Variants in RRM2B observed in about 807,000 individuals in gnomAD.
The protein encoded by RRM2B is ribonucleotide reductase regulatory TP53 inducible subunit M2B.
In RRM2B, 20 loss-of-function variants were observed where a neutral mutation model predicts 45.9. The observed-to-expected ratio is 0.44, with a 90% CI of 0.31 to 0.63. The LOEUF is 0.63. Among genes scored for constraint, RRM2B ranks in the 30% least tolerant of loss-of-function variants. The pLI is 0.09. For synonymous variants in RRM2B, 124 were observed against 132.3 expected (o/e 0.94, Z 0.43); for missense variants, 320 against 414.7 (o/e 0.77, Z 1.98).
intron 6 of RRM2B, 83 bp downstream of exon 6, chr8:102,218,731 A>G: frequency 7.9e-7 from 1 of 1,266,464 alleles, no homozygotes; most frequent in Non-Finnish European, 1.1e-6. Context: ...GTCTCAAAAA[A>G]AAAAAAAAAA....
Position 102,205,280 on chromosome 8 carries a change from T to A in RRM2B, c.*2853A>T, listed in dbSNP as rs1810524673. The A allele has an allele frequency of 2.0e-5, 3 of 152,324 alleles. No homozygotes were observed. In the South Asian group the frequency reaches 6.2e-4, roughly 32 times the overall value. The allele number at this position is 152,324 out of a possible 1,614,324, so 9.4% of individuals were successfully genotyped here. On this transcript the variant is annotated 3_prime_UTR_variant, in exon 9 of 9. Transcript: ENST00000251810. ...GATGTTAGCATATTTAAATGTAAAA[T>A]GCAAAATGATTAATTTTTAAATATG...
At chr8:102,215,045 T>TAAAAAAAAAA (rs3063793) in intron 6 of RRM2B, among the ~76,000 whole-genome samples, 2 of 61,780 alleles carry the variant, frequency 3.2e-5, no homozygotes, top group African/African-American at 6.8e-5. Context: ...AGCTAAATAT[T>TAAAAAAAAAA]AAAAAAAAAA....
At chr8:102,221,115 A>T (rs1420927619) in intron 5 of RRM2B, among the ~76,000 whole-genome samples, 1 of 152,216 alleles carries the variant, frequency 6.6e-6, no homozygotes, top group African/African-American at 2.4e-5. Flanking sequence ...AAGATATTTT[A>T]AAAATTAAAC....
chr8:102,228,198 T>C (rs911052722), intron 2 of RRM2B, among the ~76,000 whole-genome samples: 3 of 152,118 alleles, frequency 2.0e-5, no homozygotes, highest in South Asian at 2.1e-4. Context: ...GAGACTACGG[T>C]TGGATGTCGG....
chr8:102,223,312 T>A (rs992142632), intron 5 of RRM2B, among the ~76,000 whole-genome samples: 6 of 152,198 alleles, frequency 3.9e-5, no homozygotes, highest in African/African-American at 1.4e-4. Flanking sequence ...ACAAATTGGT[T>A]TTGTCCTAGT....
chr8:102,208,448 A>G (rs1228922512), intron 8 of RRM2B, among the ~76,000 whole-genome samples, 163 bp from the exon 9 acceptor site: 2 of 152,146 alleles, frequency 1.3e-5, no homozygotes, highest in Non-Finnish European at 2.9e-5. Flanking sequence ...AAGGCTGACA[A>G]ATTTTAAGAT....
intron 7 of RRM2B, 41 bp from the exon 8 acceptor site, chr8:102,212,930 T>A: frequency 2.1e-6 from 2 of 957,508 alleles, no homozygotes; most frequent in Non-Finnish European, 3.4e-6. Flanking sequence ...CAAACAAAAC[T>A]ATAAATATGT....
At chr8:102,225,094 C>G (rs1810907285) in intron 3 of RRM2B, 76 bp from the exon 4 acceptor site, 1 of 1,511,940 alleles carries the variant, frequency 6.6e-7, no homozygotes, top group East Asian at 2.3e-5. Flanking sequence ...ATCTGGACAT[C>G]AGCATTATCG....
At chr8:102,229,174 A>C (rs1810985012) in intron 2 of RRM2B, among the ~76,000 whole-genome samples, 1 of 152,090 alleles carries the variant, frequency 6.6e-6, no homozygotes, top group Admixed American at 6.6e-5. Flanking sequence ...AATCGCTTGA[A>C]CCCAGGAGGA....
At chr8:102,226,478 G>A (rs1810934581) in intron 2 of RRM2B, among the ~76,000 whole-genome samples, 1 of 151,658 alleles carries the variant, frequency 6.6e-6, no homozygotes, top group African/African-American at 2.4e-5. Flanking sequence ...ATAATCTAGT[G>A]GCACTGAAGC....
At chr8:102,227,834 A>G (rs1461505018) in intron 2 of RRM2B, among the ~76,000 whole-genome samples, 4 of 152,094 alleles carry the variant, frequency 2.6e-5, no homozygotes, top group Non-Finnish European at 5.9e-5. Flanking sequence ...GAGAGAGATC[A>G]TATCTCTCAT....
chr8:102,238,401 C>T, intron 1 of RRM2B: 1 of 513,408 alleles, frequency 1.9e-6, no homozygotes, highest in Non-Finnish European at 3.1e-6. Flanking sequence ...TTTCCACACG[C>T]GTTCTCCAAC....
chr8:102,216,745 T>A (rs1810737476), intron 6 of RRM2B, among the ~76,000 whole-genome samples: 1 of 151,982 alleles, frequency 6.6e-6, no homozygotes, highest in African/African-American at 2.4e-5. Context: ...ACTAATATCA[T>A]TATGAAAAAA....
At chr8:102,214,682 C>T (rs1404189471) in intron 6 of RRM2B, among the ~76,000 whole-genome samples, 2 of 146,556 alleles carry the variant, frequency 1.4e-5, no homozygotes, top group Non-Finnish European at 3.0e-5. Flanking sequence ...TTTGGGAGGT[C>T]AAGGTGGGCA....
chr8:102,230,575 C>G (rs924687024), intron 2 of RRM2B, among the ~76,000 whole-genome samples: 8 of 152,056 alleles, frequency 5.3e-5, no homozygotes, highest in African/African-American at 1.9e-4. Context: ...GCATTATGAC[C>G]ACGTATGAAA....
At chr8:102,233,812 T>C (rs1811074057) in intron 1 of RRM2B, among the ~76,000 whole-genome samples, 1 of 152,192 alleles carries the variant, frequency 6.6e-6, no homozygotes, top group Non-Finnish European at 1.5e-5. Flanking sequence ...TCCACAAATA[T>C]TTGAGCAATT....
rs201777312 is a variant in RRM2B at position 102,237,006 on chromosome 8, T to TTTTAC, written c.48+1820_48+1821insGTAAA. On this transcript the variant is annotated intron_variant, in intron 1 of 8. Coordinates refer to ENST00000251810, the MANE Select transcript of RRM2B (RefSeq NM_015713.5). ...TTATGTCTCTTCTACTTCTGTAAAA[T>TTTTAC]AGCTGTATGTTGTCATAGTCATACA... Among the ~76,000 whole-genome samples the TTTTAC allele has an allele frequency of 8.5e-3, 1,291 of 152,326 alleles. 13 individuals are homozygous for TTTTAC. The highest frequency in any genetic ancestry group is 0.03 in the African/African-American group (1,247 of 41,576).
At chr8:102,215,586 C>T (rs1272765552) in intron 6 of RRM2B, among the ~76,000 whole-genome samples, 1 of 152,010 alleles carries the variant, frequency 6.6e-6, no homozygotes, top group African/African-American at 2.4e-5. Context: ...AAGAAAAGTA[C>T]ACTTCAAAGA....
intron 1 of RRM2B, chr8:102,238,626 C>G (rs1563669777): frequency 6.5e-7 from 1 of 1,532,702 alleles, no homozygotes; most frequent in African/African-American, 1.4e-5. Flanking sequence ...GGGACGCAAA[C>G]CCAAAGTCAG....
Sources: gnomAD v4.1 joint callset for allele counts (sites outside exome capture counted in the v4.1 genomes callset) on GRCh38, gnomAD v4.1.1 for gene constraint, MANE v1.5 for transcripts, NCBI Gene and HGNC (gene_info 2026-07-23, HGNC 2026-07-21) for gene names.